THRB: variants seen among roughly 807,000 people sequenced by gnomAD.
THRB encodes thyroid hormone receptor beta, also known as nuclear receptor subfamily 1 group A member 2.
In THRB, 12 loss-of-function variants were observed where a neutral mutation model predicts 47.8. The ratio of observed to expected loss-of-function variants is 0.25; its 90% CI spans 0.16 to 0.41. The LOEUF is 0.41. Ranked by LOEUF, THRB falls within the 10% of genes least tolerant of loss-of-function variation. The pLI, the probability that THRB is intolerant of heterozygous loss-of-function variation, is 1.00. For synonymous variants in THRB, 218 were observed against 212.2 expected, an observed-to-expected ratio of 1.03 and a Z score of -0.24; for missense variants, 348 against 589.2, an observed-to-expected ratio of 0.59 and a Z score of 4.24.
chr3:24,158,214 C>T (rs536769542), intron 5 of THRB, among the ~76,000 whole-genome samples: 1 of 152,242 alleles, frequency 6.6e-6, no homozygotes, highest in South Asian at 2.1e-4. Context: ...GTGTAACGAT[C>T]AACTGAACTA....
intron 4 of THRB, among the ~76,000 whole-genome samples, chr3:24,224,445 T>C (rs1413843317): frequency 4.7e-4 from 71 of 152,290 alleles, no homozygotes; most frequent in African/African-American, 1.4e-3. Flanking sequence ...GTGTCATTAT[T>C]TTGCCATCAG....
At chr3:24,243,330 C>T (rs1333185491) in intron 3 of THRB, among the ~76,000 whole-genome samples, 1 of 152,056 alleles carries the variant, frequency 6.6e-6, no homozygotes, top group African/African-American at 2.4e-5. Flanking sequence ...TCCTGTCACC[C>T]CTCTGCTCAA....
At chr3:24,256,155 G>A (rs1473812638) in intron 3 of THRB, among the ~76,000 whole-genome samples, 2 of 152,212 alleles carry the variant, frequency 1.3e-5, no homozygotes, top group East Asian at 1.9e-4. Flanking sequence ...TAAGGGAAGA[G>A]ACAAGAAGGA....
intron 8 of THRB, among the ~76,000 whole-genome samples, chr3:24,135,846 T>TATATATATATATATATATATAA (rs1231598841): frequency 9.4e-4 from 114 of 121,124 alleles, no homozygotes; most frequent in African/African-American, 3.6e-3. Context: ...TATATATATA[T>TATATATATATATATATATATAA]AATACATAAA....
At position 24,386,319 on chromosome 3, in the gene THRB, A is replaced by G. The variant is rs185322893; in HGVS notation, c.-260-48948T>C. Among the ~76,000 whole-genome samples, 335 of 152,034 alleles carry G rather than the reference A, an allele frequency of 2.2e-3. 1 individual carries two copies. The highest frequency in any genetic ancestry group is 3.6e-3 in the Non-Finnish European group (248 of 67,956). Reference sequence around the variant, plus strand: ...ACCCTGCTTGCAAAGTGCCTCCCCAATATTTAGGGGCCTGCTCCTCTCTGC... The same window carrying G: ...ACCCTGCTTGCAAAGTGCCTCCCCAGTATTTAGGGGCCTGCTCCTCTCTGC... On this transcript the variant is annotated intron_variant, in intron 1 of 10. Transcript: ENST00000646209.
At chr3:24,448,179 C>A (rs2072291587) in intron 1 of THRB, among the ~76,000 whole-genome samples, 1 of 152,056 alleles carries the variant, frequency 6.6e-6, no homozygotes, top group South Asian at 2.1e-4. Flanking sequence ...AATGGTCAGA[C>A]TCTCTTGAGT....
At chr3:24,303,430 C>T (rs2149118838) in intron 2 of THRB, among the ~76,000 whole-genome samples, 1 of 152,236 alleles carries the variant, frequency 6.6e-6, no homozygotes, top group South Asian at 2.1e-4. Context: ...GGAGTTTTTC[C>T]AATGTTCTAG....
intron 1 of THRB, chr3:24,494,044 T>C (rs1341646848): frequency 6.5e-6 from 1 of 153,044 alleles, no homozygotes; most frequent in Non-Finnish European, 1.5e-5. Context: ...CCCAGGAGGC[T>C]AGCGAAATCC....
chr3:24,166,240 T>G (rs1294817945), intron 5 of THRB, among the ~76,000 whole-genome samples: 1 of 152,176 alleles, frequency 6.6e-6, no homozygotes, highest in Non-Finnish European at 1.5e-5. Flanking sequence ...GTAATTTATG[T>G]TTTCTTTATA....
intron 3 of THRB, among the ~76,000 whole-genome samples, chr3:24,259,544 A>C (rs1232507162): frequency 6.6e-6 from 1 of 152,046 alleles, no homozygotes; most frequent in Non-Finnish European, 1.5e-5. Flanking sequence ...TCAGCTTTGA[A>C]AAGTAGAATT....
chr3:24,189,346 AG>A (rs1335833132), intron 5 of THRB, among the ~76,000 whole-genome samples: 1 of 152,186 alleles, frequency 6.6e-6, no homozygotes, highest in Non-Finnish European at 1.5e-5. Flanking sequence ...AGACATTTAA[AG>A]ATGCAAATTG....
At chr3:24,343,801 T>C (rs578072199) in intron 1 of THRB, among the ~76,000 whole-genome samples, 1 of 151,870 alleles carries the variant, frequency 6.6e-6, no homozygotes, top group East Asian at 1.9e-4. Flanking sequence ...CTAGAGCTAG[T>C]ATTTTTATTA....
chr3:24,263,271 T>C (rs968116565), intron 3 of THRB, among the ~76,000 whole-genome samples: 1 of 152,158 alleles, frequency 6.6e-6, no homozygotes, highest in African/African-American at 2.4e-5. Context: ...CGAATGTGTA[T>C]GCCAGACTCT....
At chr3:24,168,587 G>A (rs2039994674) in intron 5 of THRB, among the ~76,000 whole-genome samples, 1 of 151,092 alleles carries the variant, frequency 6.6e-6, no homozygotes, top group African/African-American at 2.4e-5. Context: ...TTTAAAAGAA[G>A]TTCCTGAGGT....
At chr3:24,364,719 T>C (rs1017472250) in intron 1 of THRB, among the ~76,000 whole-genome samples, 2 of 152,116 alleles carry the variant, frequency 1.3e-5, no homozygotes, top group African/African-American at 2.4e-5. Flanking sequence ...GGGGTACTCA[T>C]GTGAAAAATT....
At chr3:24,334,313 C>T (rs1431545170) in intron 2 of THRB, among the ~76,000 whole-genome samples, 1 of 152,076 alleles carries the variant, frequency 6.6e-6, no homozygotes, top group Admixed American at 6.5e-5. Flanking sequence ...AAGTTCCACT[C>T]TGCTAAGATA....
intron 3 of THRB, among the ~76,000 whole-genome samples, chr3:24,273,978 A>G (rs560549595): frequency 6.6e-6 from 1 of 152,210 alleles, no homozygotes; most frequent in Non-Finnish European, 1.5e-5. Flanking sequence ...ATGTTGTGAT[A>G]GCATAAATAT....
At chr3:24,434,403 G>T (rs1018392946) in intron 1 of THRB, among the ~76,000 whole-genome samples, 4 of 152,090 alleles carry the variant, frequency 2.6e-5, no homozygotes, top group African/African-American at 7.2e-5. Context: ...TTTCCTTGTT[G>T]CTAAAGGTGT....
At chr3:24,273,801 C>T (rs1449876) in intron 3 of THRB, among the ~76,000 whole-genome samples, 2,201 of 152,110 alleles carry the variant, frequency 0.014, 57 homozygotes, top group African/African-American at 0.05. Flanking sequence ...ACCCCCCCAC[C>T]CCTCAAAAAC....
Sources: gnomAD v4.1 joint callset for allele counts (sites outside exome capture counted in the v4.1 genomes callset) on GRCh38, gnomAD v4.1.1 for gene constraint, MANE v1.5 for transcripts, NCBI Gene and HGNC (gene_info 2026-07-23, HGNC 2026-07-21) for gene names.